PTPN13: variants seen among roughly 807,000 people sequenced by gnomAD.
The protein encoded by PTPN13 is tyrosine-protein phosphatase non-receptor type 13.
A neutral mutation model predicts 284.0 loss-of-function variants in PTPN13; 191 were observed. The ratio of observed to expected loss-of-function variants is 0.67; its 90% CI spans 0.60 to 0.76. The LOEUF is 0.76. Ranked by LOEUF, PTPN13 falls within the 30% of genes least tolerant of loss-of-function variation. PTPN13 has a pLI of 0.00. For missense variants in PTPN13, 2,797 were observed against 2,939.9 expected (o/e 0.95, Z 1.12); for synonymous variants, 986 against 1,022.3 (o/e 0.96, Z 0.68).
intron 30 of PTPN13, among the ~76,000 whole-genome samples, chr4:86,770,720 G>GA (rs1739894192): frequency 6.6e-6 from 1 of 151,998 alleles, no homozygotes; most frequent in Non-Finnish European, 1.5e-5. Flanking sequence ...TGACAGTATA[G>GA]AAAATTACAA....
At chr4:86,715,235 C>CGT (rs369481925) in intron 7 of PTPN13, among the ~76,000 whole-genome samples, 44 of 151,228 alleles carry the variant, frequency 2.9e-4, no homozygotes, top group Middle Eastern at 6.8e-3. Flanking sequence ...TGTGTATATA[C>CGT]GTGTGTGTGT....
chr4:86,786,860 T>C (rs1451121544), intron 40 of PTPN13, among the ~76,000 whole-genome samples: 1 of 152,174 alleles, frequency 6.6e-6, no homozygotes, highest in Non-Finnish European at 1.5e-5. Flanking sequence ...CCCAGCACTT[T>C]TGGAAGGCCG....
At chr4:86,814,418 A>G in intron 47 of PTPN13, 38 bp from the exon 48 acceptor site, 1 of 1,283,200 alleles carries the variant, frequency 7.8e-7, no homozygotes, top group Non-Finnish European at 1.1e-6. Context: ...TTTACATTAT[A>G]CATCTAAAGT....
intron 1 of PTPN13, among the ~76,000 whole-genome samples, chr4:86,625,682 G>A (rs991186321): frequency 6.6e-6 from 1 of 152,064 alleles, no homozygotes; most frequent in African/African-American, 2.4e-5. Context: ...CAGTCCTTGT[G>A]ATTGTAGGAC....
At chr4:86,643,713 A>G (rs1724084071) in intron 2 of PTPN13, among the ~76,000 whole-genome samples, 1 of 152,188 alleles carries the variant, frequency 6.6e-6, no homozygotes, top group Non-Finnish European at 1.5e-5. Context: ...AAACTCTTAG[A>G]GCTGAAAAGA....
At chr4:86,609,916 T>C (rs761801430) in intron 1 of PTPN13, among the ~76,000 whole-genome samples, 1 of 152,206 alleles carries the variant, frequency 6.6e-6, no homozygotes, top group African/African-American at 2.4e-5. Context: ...GCTAGATACA[T>C]AGAAATTTTT....
rs1282867373 is a variant in PTPN13, at chr4:86,771,204, A to G, written c.4837A>G (p.Asn1613Asp). 6.2e-7 allele frequency: 1 copy of G among 1,611,916 alleles called. No individual in the cohort carries two copies. Among genetic ancestry groups the G allele is most frequent in the Non-Finnish European group, 8.5e-7 (1 of 1,179,014 alleles). The part of the protein sequence containing the change: ...PLQSPAQVLP[N>D]SSKDSSQPSC... ...TCAGTCTCCAGCACAAGTACTTCCA[A>G]ACAGCAGTAAAGACTCTTCTCAGCC... Residue 1613 changes from asparagine (N) to aspartate (D), a missense_variant, in exon 31 of 48, where the codon AAC becomes GAC. Coordinates refer to ENST00000411767, the MANE Select transcript of PTPN13 (RefSeq NM_080683.3).
chr4:86,608,532 T>C (rs1764993260), intron 1 of PTPN13, among the ~76,000 whole-genome samples: 1 of 152,104 alleles, frequency 6.6e-6, no homozygotes, highest in African/African-American at 2.4e-5. Context: ...GCTTATAAAA[T>C]ATACTGTTTA....
intron 1 of PTPN13, among the ~76,000 whole-genome samples, chr4:86,612,370 A>G (rs1275781108): frequency 2.0e-5 from 3 of 152,210 alleles, no homozygotes; most frequent in Admixed American, 1.3e-4. Flanking sequence ...CATGTGTTCA[A>G]AAGTTAAGTA....
chr4:86,734,454 A>G lies in PTPN13; in HGVS notation c.2010A>G (p.Ile670Met), dbSNP rs763630218. The G allele has an allele frequency of 5.2e-6, 8 of 1,546,450 alleles. No homozygotes were observed. Among genetic ancestry groups the G allele is most frequent in the Non-Finnish European group, 7.0e-6 (8 of 1,145,024 alleles). Reference sequence around the variant, plus strand: ...TTTTTATGGATGATGTTAGTCTAATACAGTGAGTACACAAGAGTTTCTCTT... The same window carrying G: ...TTTTTATGGATGATGTTAGTCTAATGCAGTGAGTACACAAGAGTTTCTCTT... Reference protein sequence around the residue: ...IKFFMDDVSLIQHTLTCHQYY... With the variant: ...IKFFMDDVSLMQHTLTCHQYY... The change falls in exon 13 of 48, where the codon ATA (isoleucine) becomes ATG (methionine). Residue 670 changes from isoleucine (I) to methionine (M), a missense_variant and splice_region_variant. Coordinates refer to ENST00000411767, the MANE Select transcript of PTPN13 (RefSeq NM_080683.3).
chr4:86,635,792 C>T (rs1049812610), intron 2 of PTPN13, among the ~76,000 whole-genome samples: 2 of 151,948 alleles, frequency 1.3e-5, no homozygotes, highest in African/African-American at 4.8e-5. Flanking sequence ...GATGAAACCC[C>T]ATCTCTACTA....
intron 1 of PTPN13, among the ~76,000 whole-genome samples, chr4:86,613,464 G>C (rs1346617808): frequency 6.6e-6 from 1 of 151,892 alleles, no homozygotes; most frequent in Non-Finnish European, 1.5e-5. Flanking sequence ...TGAAACCCGT[G>C]TCTACTAAAA....
intron 16 of PTPN13, among the ~76,000 whole-genome samples, chr4:86,742,873 A>G (rs1054454001): frequency 6.6e-6 from 1 of 152,184 alleles, no homozygotes; most frequent in Non-Finnish European, 1.5e-5. Flanking sequence ...AGTCAACTCT[A>G]TGTAATTTGC....
intron 41 of PTPN13, among the ~76,000 whole-genome samples, chr4:86,798,574 C>T (rs986487889): frequency 6.7e-6 from 1 of 149,888 alleles, no homozygotes; most frequent in African/African-American, 2.5e-5. Flanking sequence ...TCCACCTTAC[C>T]AAAGAGGGCA....
At chr4:86,801,784 A>T (rs571427366) in intron 42 of PTPN13, among the ~76,000 whole-genome samples, 1 of 152,308 alleles carries the variant, frequency 6.6e-6, no homozygotes, top group South Asian at 2.1e-4. Flanking sequence ...ACTGGCCTCC[A>T]TGGGTCAGCA....
chr4:86,624,795 A>T (rs138528958), intron 1 of PTPN13, among the ~76,000 whole-genome samples: 1 of 152,250 alleles, frequency 6.6e-6, no homozygotes, highest in African/African-American at 2.4e-5. Flanking sequence ...CTGTACTCCA[A>T]TCTGGTTAAC....
At chr4:86,610,343 T>A (rs1405807440) in intron 1 of PTPN13, among the ~76,000 whole-genome samples, 2 of 152,274 alleles carry the variant, frequency 1.3e-5, no homozygotes, top group Admixed American at 1.3e-4. Context: ...AGTATCTTTC[T>A]AGGAATCTAT....
Position 86,763,297 on chromosome 4 carries a change from A to G in PTPN13, c.4017+107A>G, listed in dbSNP as rs559038171. The G allele has an allele frequency of 3.8e-4, 380 of 992,608 alleles. No individual in the cohort carries two copies. In the African/African-American group the frequency reaches 5.5e-3, roughly 14 times the overall value. 61.5% of individuals were successfully genotyped at this position (992,608 alleles called of 1,614,324 possible). On this transcript the variant is annotated intron_variant, in intron 24 of 47. Coordinates refer to ENST00000411767, the MANE Select transcript of PTPN13 (RefSeq NM_080683.3). ...ACAAGATGCTTTCATTATTCTGGAA[A>G]AAAGAAATAGTTTATATCTTCTAAT...
intron 42 of PTPN13, among the ~76,000 whole-genome samples, chr4:86,803,121 C>A (rs1299873941): frequency 6.8e-6 from 1 of 147,290 alleles, no homozygotes; most frequent in Admixed American, 6.8e-5. Flanking sequence ...AAAATAAAGA[C>A]CTTCTTAGCC....
Sources: gnomAD v4.1 joint callset for allele counts (sites outside exome capture counted in the v4.1 genomes callset) on GRCh38, gnomAD v4.1.1 for gene constraint, MANE v1.5 for transcripts, NCBI Gene and HGNC (gene_info 2026-07-23, HGNC 2026-07-21) for gene names.